Variants in FRMD6 observed in about 807,000 individuals in gnomAD.
FRMD6 encodes the protein FERM domain containing 6, also known as FERM domain-containing protein 6.
Under a neutral mutation model 73.2 loss-of-function variants are expected in FRMD6, and 37 were observed. The observed-to-expected ratio is 0.51, with a 90% confidence interval of 0.39 to 0.66. The LOEUF is 0.66. Ranked by LOEUF, FRMD6 falls within the 30% of genes least tolerant of loss-of-function variation. The pLI, the probability that FRMD6 is intolerant of heterozygous loss-of-function variation, is 0.00. For missense variants in FRMD6, 714 were observed against 780.5 expected, an observed-to-expected ratio of 0.91 and a Z score of 1.02; for synonymous variants, 273 against 282.2, an observed-to-expected ratio of 0.97 and a Z score of 0.33.
At chr14:51,468,480 A>G in the FRMD6 span, among the ~76,000 whole-genome samples, 1 of 152,122 alleles carries the variant, frequency 6.6e-6, no homozygotes, top group East Asian at 1.9e-4. Context: ...AAATTCACTT[A>G]TTTTTTCTAA....
At chr14:51,446,846 A>G in the FRMD6 span, among the ~76,000 whole-genome samples, 1 of 152,194 alleles carries the variant, frequency 6.6e-6, no homozygotes, top group South Asian at 2.1e-4. Context: ...TCCTTGGAGA[A>G]GACAGACATA....
At chr14:51,516,203 T>A (rs1223585998) in intron 1 of FRMD6, among the ~76,000 whole-genome samples, 1 of 151,936 alleles carries the variant, frequency 6.6e-6, no homozygotes, top group Non-Finnish European at 1.5e-5. Context: ...ACAGCTATTA[T>A]GCATCCCAAG....
At chr14:51,523,107 G>A (rs927893058) in intron 1 of FRMD6, 5 of 151,992 alleles carry the variant, frequency 3.3e-5, no homozygotes, top group Admixed American at 6.6e-5. Context: ...TCAACAATAG[G>A]GGTGTACAAA....
intron 1 of FRMD6, among the ~76,000 whole-genome samples, chr14:51,521,658 A>G (rs903794877): frequency 6.6e-6 from 1 of 152,090 alleles, no homozygotes; most frequent in African/African-American, 2.4e-5. Context: ...AGAAACTTAA[A>G]TGCAAAAACC....
At chr14:51,632,691 T>C (rs751293255) in intron 2 of FRMD6, among the ~76,000 whole-genome samples, 3 of 152,174 alleles carry the variant, frequency 2.0e-5, no homozygotes, top group Non-Finnish European at 4.4e-5. Flanking sequence ...CCATAGAGGA[T>C]GGAAATATAT....
At chr14:51,647,194 G>T (rs1432224112), upstream of FRMD6, among the ~76,000 whole-genome samples, 1 of 151,890 alleles carries the variant, frequency 6.6e-6, no homozygotes, top group African/African-American at 2.4e-5. Context: ...CAGGAGAATA[G>T]AATTTAATGA....
chr14:51,402,408 C>T, the FRMD6 span, among the ~76,000 whole-genome samples: 2 of 152,120 alleles, frequency 1.3e-5, no homozygotes, highest in African/African-American at 4.8e-5. Context: ...GAGGGTCTTT[C>T]CCTTGCTGTT....
At chr14:51,648,343 T>A (rs1892173111), upstream of FRMD6, among the ~76,000 whole-genome samples, 1 of 152,208 alleles carries the variant, frequency 6.6e-6, no homozygotes, top group South Asian at 2.1e-4. Context: ...GCTATGGCCA[T>A]CATGCTTTAA....
chr14:51,649,124 C>T (rs1228932466), upstream of FRMD6, among the ~76,000 whole-genome samples: 1 of 152,156 alleles, frequency 6.6e-6, no homozygotes, highest in Admixed American at 6.5e-5. Context: ...TCTCAGCTCC[C>T]CTTCCATCTT....
At chr14:51,683,541 A>G (rs1300826404) in intron 1 of FRMD6, among the ~76,000 whole-genome samples, 1 of 151,872 alleles carries the variant, frequency 6.6e-6, no homozygotes. Context: ...TTCCTGCCTC[A>G]GCCTCTCAAG....
rs200881852 is a variant in FRMD6, at chr14:51,516,438, A to G, written c.-210+27018A>G. On this transcript the variant is annotated intron_variant, in intron 1 of 14. Coordinates refer to the FRMD6 transcript ENST00000356218. Reference sequence around the variant, plus strand: ...AGACATCAGACTCGGACAGTTAGCCAGGGCAGAGAGAAGCCAACACAAACA... The same window carrying G: ...AGACATCAGACTCGGACAGTTAGCCGGGGCAGAGAGAAGCCAACACAAACA... Among the ~76,000 whole-genome samples the G allele has an allele frequency of 1.1e-4, 17 of 152,332 alleles. 1 individual carries two copies. In the East Asian group the frequency reaches 3.1e-3, roughly 28 times the overall value.
At chr14:51,502,541 T>C (rs1183292104) in intron 1 of FRMD6, among the ~76,000 whole-genome samples, 1 of 152,166 alleles carries the variant, frequency 6.6e-6, no homozygotes, top group Non-Finnish European at 1.5e-5. Flanking sequence ...AGTTCTCTAT[T>C]CGTTCCATTG....
chr14:51,527,555 T>C (rs1885327085), intron 1 of FRMD6, among the ~76,000 whole-genome samples: 1 of 152,212 alleles, frequency 6.6e-6, no homozygotes. Context: ...CTGCTTCTCA[T>C]AGAAACAACA....
At chr14:51,647,014 C>A (rs1043883283), upstream of FRMD6, among the ~76,000 whole-genome samples, 1 of 151,840 alleles carries the variant, frequency 6.6e-6, no homozygotes, top group Admixed American at 6.6e-5. Flanking sequence ...AGTATTCAAG[C>A]CCTCAAGGAA....
At chr14:51,660,056 G>A (rs1893105830) in intron 1 of FRMD6, among the ~76,000 whole-genome samples, 1 of 152,202 alleles carries the variant, frequency 6.6e-6, no homozygotes, top group Non-Finnish European at 1.5e-5. Context: ...GTTTGTTAAA[G>A]GGCGGGGGAC....
intron 1 of FRMD6, among the ~76,000 whole-genome samples, chr14:51,670,476 G>A (rs1893925995): frequency 6.6e-6 from 1 of 152,160 alleles, no homozygotes; most frequent in South Asian, 2.1e-4. Context: ...CATTGGTACA[G>A]TACTATTAAC....
chr14:51,470,891 T>C, the FRMD6 span, among the ~76,000 whole-genome samples: 1 of 152,238 alleles, frequency 6.6e-6, no homozygotes, highest in Non-Finnish European at 1.5e-5. Context: ...CATTAAAATT[T>C]ATTGATTTAT....
At chr14:51,605,333 A>G (rs1890212781) in intron 2 of FRMD6, among the ~76,000 whole-genome samples, 1 of 151,996 alleles carries the variant, frequency 6.6e-6, no homozygotes, top group Non-Finnish European at 1.5e-5. Context: ...GGGAGTGGTG[A>G]TGACTCTTAA....
At chr14:51,545,470 G>A (rs899321048) in intron 1 of FRMD6, among the ~76,000 whole-genome samples, 12 of 152,184 alleles carry the variant, frequency 7.9e-5, no homozygotes, top group African/African-American at 2.9e-4. Flanking sequence ...AAGAGCTGAT[G>A]TTAAATATGC....
Sources: allele counts gnomAD v4.1 joint callset (sites outside exome capture counted in the v4.1 genomes callset), GRCh38; gene constraint gnomAD v4.1.1; transcripts MANE v1.5; gene names NCBI Gene and HGNC (gene_info 2026-07-23, HGNC 2026-07-21).